Variants in PRSS23 observed in about 807,000 individuals in gnomAD.
PRSS23 encodes serine protease 23.
In PRSS23, 25 loss-of-function variants were observed where a neutral mutation model predicts 34.7. The ratio of observed to expected loss-of-function variants is 0.72; its 90% confidence interval spans 0.53 to 1.01. The LOEUF (loss-of-function observed/expected upper bound fraction) is 1.01. PRSS23 is among the 50% of genes least tolerant of loss of function. The pLI is 0.00. For synonymous variants in PRSS23, 176 were observed against 186.6 expected, an observed-to-expected ratio of 0.94 and a Z score of 0.46; for missense variants, 445 against 475.6, an observed-to-expected ratio of 0.94 and a Z score of 0.60.
At chr11:86,906,798 A>G (rs1948946256) in intron 2 of PRSS23, among the ~76,000 whole-genome samples, 1 of 152,122 alleles carries the variant, frequency 6.6e-6, no homozygotes, top group African/African-American at 2.4e-5. Flanking sequence ...CATTTTAGGT[A>G]CGTTATTTCA....
intron 2 of PRSS23, among the ~76,000 whole-genome samples, chr11:86,893,728 G>T (rs1033951915): frequency 5.3e-5 from 8 of 152,084 alleles, no homozygotes; most frequent in African/African-American, 1.9e-4. Flanking sequence ...TATTCTTCTT[G>T]TTAAAAATTT....
chr11:86,903,250 A>G (rs2134985862), intron 2 of PRSS23, among the ~76,000 whole-genome samples: 1 of 152,270 alleles, frequency 6.6e-6, no homozygotes, highest in South Asian at 2.1e-4. Flanking sequence ...CACAGTTAAA[A>G]GGTATAAAAA....
At position 86,854,955 on chromosome 11, in the gene PRSS23, C is replaced by T. The variant is rs369120719; in HGVS notation, c.206+31362C>T. On this transcript the variant is annotated intron_variant, in intron 2 of 2. Coordinates refer to the PRSS23 transcript ENST00000533902. Reference sequence around the variant, plus strand: ...GCCGAGGTGGGCGGTCACCTGAGGTCGGAAGTTCAAGTCCAGCCTGACCAA... The same window carrying T: ...GCCGAGGTGGGCGGTCACCTGAGGTTGGAAGTTCAAGTCCAGCCTGACCAA... 1.1e-4 allele frequency among the ~76,000 whole-genome samples: 16 copies of T among 152,238 alleles called. No individual in the cohort carries two copies. The South Asian group carries it at 2.7e-3, about 26-fold the overall frequency.
chr11:86,941,568 G>A (rs771647678), intron 2 of PRSS23, among the ~76,000 whole-genome samples: 16 of 152,170 alleles, frequency 1.1e-4, no homozygotes, highest in Non-Finnish European at 1.9e-4. Context: ...TTCTTTCTCT[G>A]TTTTGTCATC....
rs572212130 is a variant in PRSS23 at position 86,905,751 on chromosome 11, A to T, written c.207-45465A>T. 6.6e-5 allele frequency among the ~76,000 whole-genome samples: 10 copies of T among 152,326 alleles called. 1 individual carries two copies. In the South Asian group the frequency reaches 2.1e-3, roughly 32 times the overall value. On this transcript the variant is annotated intron_variant, in intron 2 of 2. Coordinates refer to the PRSS23 transcript ENST00000533902. The stretch of plus-strand genomic sequence containing the variant: ...AATAGAAGGCAGGAATAGACGTCTG[A>T]GTCCCCAAGGTGTGGACACAGAACT...
chr11:86,868,219 G>T (rs998393688), intron 2 of PRSS23, among the ~76,000 whole-genome samples: 11 of 152,202 alleles, frequency 7.2e-5, no homozygotes, highest in African/African-American at 1.2e-4. Flanking sequence ...CACACCCTGT[G>T]AACTCAATGG....
chr11:86,901,144 A>G (rs1479061583), intron 2 of PRSS23, among the ~76,000 whole-genome samples: 1 of 152,010 alleles, frequency 6.6e-6, no homozygotes, highest in Non-Finnish European at 1.5e-5. Flanking sequence ...GCCCACCACT[A>G]TTGTACATTC....
intron 2 of PRSS23, chr11:86,934,989 A>C (rs1949151676): frequency 6.6e-6 from 1 of 152,290 alleles, no homozygotes; most frequent in Non-Finnish European, 1.5e-5. Flanking sequence ...AAATAAAAAT[A>C]CACATACATA....
exon 3 of PRSS23, chr11:86,951,332 G>C: frequency 6.2e-7 from 1 of 1,613,014 alleles, no homozygotes; most frequent in Non-Finnish European, 8.5e-7. Flanking sequence ...CATTTCAACA[G>C]CCATGTTGGA....
chr11:86,832,985 T>C (rs559174895), intron 2 of PRSS23: 79 of 402,236 alleles, frequency 2.0e-4, no homozygotes, highest in Non-Finnish European at 3.1e-4. Flanking sequence ...ATTGTGCAGC[T>C]GGGAGTCTAA....
intron 2 of PRSS23, among the ~76,000 whole-genome samples, chr11:86,829,665 T>G (rs1410917455): frequency 6.6e-6 from 1 of 152,102 alleles, no homozygotes; most frequent in Non-Finnish European, 1.5e-5. Flanking sequence ...GATGGGTTTT[T>G]GGTGTGGATG....
At chr11:86,821,722 C>T (rs1235489232) in intron 1 of PRSS23, 2 of 1,407,826 alleles carry the variant, frequency 1.4e-6, no homozygotes, top group Admixed American at 3.9e-5. Context: ...AGCTAGTGTA[C>T]TGTCTATTTC....
intron 2 of PRSS23, among the ~76,000 whole-genome samples, chr11:86,870,687 A>C (rs1056885661): frequency 3.3e-5 from 5 of 152,144 alleles, no homozygotes; most frequent in Non-Finnish European, 5.9e-5. Flanking sequence ...TTTATTTATC[A>C]ATCTTCCTTT....
intron 2 of PRSS23, among the ~76,000 whole-genome samples, chr11:86,877,240 T>C (rs1487461153): frequency 1.3e-5 from 2 of 152,202 alleles, no homozygotes; most frequent in African/African-American, 4.8e-5. Flanking sequence ...AATGACTGTT[T>C]TCTCTGTAAT....
rs750922592 is a variant in PRSS23 at position 86,952,366 on chromosome 11, G to A, written c.*1081G>A. 58 of 1,614,078 alleles carry A rather than the reference G, an allele frequency of 3.6e-5. No homozygotes were observed. Among genetic ancestry groups the A allele is most frequent in the Admixed American group, 6.7e-5 (4 of 60,008 alleles). On this transcript the variant is annotated 3_prime_UTR_variant, in exon 3 of 3. Transcript: ENST00000533902. ...AGGCAAATCCAAATTCCTTCAGGAC[G>A]GGTTCACAGCGTCTCTTGACTGAAA...
intron 2 of PRSS23, chr11:86,933,784 T>A (rs1028244550): frequency 6.6e-6 from 1 of 152,238 alleles, no homozygotes; most frequent in African/African-American, 2.4e-5. Context: ...TTCCACTACA[T>A]AAATTTGTTA....
chr11:86,913,284 A>AC (rs1948990024), intron 2 of PRSS23, among the ~76,000 whole-genome samples: 3 of 108,112 alleles, frequency 2.8e-5, no homozygotes, highest in Admixed American at 9.9e-5. Flanking sequence ...CAAAAAAAAA[A>AC]AAAAAAACCT....
At chr11:86,940,114 A>G (rs1214498554) in intron 2 of PRSS23, among the ~76,000 whole-genome samples, 2 of 152,100 alleles carry the variant, frequency 1.3e-5, no homozygotes, top group African/African-American at 4.8e-5. Flanking sequence ...AGCACTACAT[A>G]AACAACTAAA....
At chr11:86,831,088 T>C (rs900573341) in intron 2 of PRSS23, among the ~76,000 whole-genome samples, 2 of 152,084 alleles carry the variant, frequency 1.3e-5, no homozygotes, top group Non-Finnish European at 2.9e-5. Flanking sequence ...ATTCGTAATA[T>C]CCTAGGCGGA....
Sources: allele counts gnomAD v4.1 joint callset (sites outside exome capture counted in the v4.1 genomes callset), GRCh38; gene constraint gnomAD v4.1.1; transcripts MANE v1.5; gene names NCBI Gene and HGNC (gene_info 2026-07-23, HGNC 2026-07-21).